PCARE: variants seen among roughly 807,000 people sequenced by gnomAD.
PCARE encodes the protein uncharacterized protein C2orf71.
Under a neutral mutation model 82.2 loss-of-function variants are expected in PCARE, and 72 were observed. The observed-to-expected ratio is 0.88, with a 90% CI of 0.72 to 1.07. The LOEUF is 1.07. Ranked by LOEUF, PCARE falls within the 50% of genes least tolerant of loss-of-function variation. The probability of loss-of-function intolerance (pLI) is 0.00; values close to 1 mark genes in which losing one functional copy is unlikely to be tolerated. For synonymous variants in PCARE, 705 were observed against 634.8 expected (o/e 1.11, Z -1.66); for missense variants, 1,768 against 1,592.4 (o/e 1.11, Z -1.88).
Position 29,064,309 on chromosome 2 carries a change from G to A in PCARE, c.*560C>T, listed in dbSNP as rs1667359395. The A allele has an allele frequency of 6.1e-6, 1 of 162,680 alleles. No homozygotes were observed. Among genetic ancestry groups the A allele is most frequent in the African/African-American group, 2.4e-5 (1 of 41,674 alleles). The allele number at this position is 162,680 out of a possible 1,614,324, so 10.1% of individuals were successfully genotyped here. On this transcript the variant is annotated 3_prime_UTR_variant, in exon 2 of 2. Transcript: ENST00000331664. ...CCCATGTCTGCTTTAGGCAGGTGGAGTGACGCAATAGTTACGGGCAATGGA... is the reference window on the plus strand; with the variant it reads ...CCCATGTCTGCTTTAGGCAGGTGGAATGACGCAATAGTTACGGGCAATGGA...
chr2:29,072,491 G>T lies in PCARE; in HGVS notation c.1771C>A (p.Gln591Lys). 6.2e-7 allele frequency: 1 copy of T among 1,614,228 alleles called. No individual in the cohort carries two copies. The highest frequency in any genetic ancestry group is 8.5e-7 in the Non-Finnish European group (1 of 1,180,048). ...VSGSRRAPER[Q>K]TRSQSESCLQ... is the part of the protein sequence containing the mutation. ...CACGACTCTGACTGGGACCTCGTCT[G>T]CCTCTCAGGGGCCCTCCTGCTGCCA... Residue 591 changes from glutamine (Q) to lysine (K), a missense_variant, in exon 1 of 2, where the codon CAG (glutamine) becomes AAG (lysine). By Grantham distance (53) the Gln-to-Lys change is moderately conservative. Transcript: ENST00000331664.
intron 1 of PCARE, among the ~76,000 whole-genome samples, chr2:29,065,488 C>T (rs1052991788): frequency 6.6e-6 from 1 of 152,266 alleles, no homozygotes; most frequent in Non-Finnish European, 1.5e-5. Flanking sequence ...TCAGCTGCCA[C>T]CCTTTTCCCG....
rs752004910 is a variant in PCARE, at chr2:29,073,560, C to T, written c.702G>A (p.Gly234=). The change falls in exon 1 of 2, where the codon GGG becomes GGA. Residue 234 remains glycine, a synonymous_variant. Coordinates refer to ENST00000331664, the MANE Select transcript of PCARE (RefSeq NM_001029883.3). The part of the protein sequence containing the change: ...LCFEEISQLL[G]EISKDGEVLL... ...GCACTTCTCCATCCTTGGAGATCTC[C>T]CCCAACAGCTGGCTGATCTCCTCAA... The T allele has an allele frequency of 6.2e-7, 1 of 1,614,142 alleles. No homozygotes were observed. Among genetic ancestry groups the T allele is most frequent in the East Asian group, 2.2e-5 (1 of 44,886 alleles).
intron 1 of PCARE, among the ~76,000 whole-genome samples, chr2:29,069,617 C>T (rs1667440185): frequency 6.6e-6 from 1 of 152,054 alleles, no homozygotes; most frequent in Admixed American, 6.6e-5. Flanking sequence ...ACTATCTGTA[C>T]AATAAACCCC....
chr2:29,073,738 T>C lies in PCARE; in HGVS notation c.524A>G (p.Asp175Gly), dbSNP rs1280650039. ...HPAHEPEGKV[D>G]FPEPLVKAHQ... ...GGCCTTTACCAGAGGCTCCGGGAAGTCCACTTTGCCTTCAGGCTCATGAGC... is the reference window on the plus strand; with the variant it reads ...GGCCTTTACCAGAGGCTCCGGGAAGCCCACTTTGCCTTCAGGCTCATGAGC... The change falls in exon 1 of 2, where the codon GAC (aspartate) becomes GGC (glycine). Residue 175 changes from aspartate to glycine, a missense_variant. Coordinates refer to ENST00000331664, the MANE Select transcript of PCARE (RefSeq NM_001029883.3). 6.2e-7 allele frequency: 1 copy of C among 1,614,178 alleles called. No homozygotes were observed. Among genetic ancestry groups the C allele is most frequent in the Admixed American group, 1.7e-5 (1 of 60,024 alleles).
At chr2:29,066,173 G>A (rs1465144449) in intron 1 of PCARE, among the ~76,000 whole-genome samples, 1 of 152,068 alleles carries the variant, frequency 6.6e-6, no homozygotes, top group African/African-American at 2.4e-5. Context: ...AATTAAAAAA[G>A]GAAGTAATAA....
chr2:29,068,615 G>C (rs1342127885), intron 1 of PCARE, among the ~76,000 whole-genome samples: 1 of 152,160 alleles, frequency 6.6e-6, no homozygotes. Flanking sequence ...GAGCATACGA[G>C]TTCTTCTTTC....
Position 29,073,765 on chromosome 2 carries a change from G to A in PCARE, c.497C>T (p.Pro166Leu). The A allele has an allele frequency of 6.2e-7, 1 of 1,614,256 alleles. No homozygotes were observed. Among genetic ancestry groups the A allele is most frequent in the Non-Finnish European group, 8.5e-7 (1 of 1,180,046 alleles). Residue 166 changes from proline (P) to leucine (L), a missense_variant, in exon 1 of 2, where the codon CCT becomes CTT. Transcript: ENST00000331664. ...TQSHCYQTIH[P>L]AHEPEGKVDF... ...CACTTTGCCTTCAGGCTCATGAGCA[G>A]GGTGGATGGTTTGGTAGCAGTGGCT...
At chr2:29,067,401 G>A (rs1028766865) in intron 1 of PCARE, among the ~76,000 whole-genome samples, 1 of 152,172 alleles carries the variant, frequency 6.6e-6, no homozygotes, top group Non-Finnish European at 1.5e-5. Flanking sequence ...TGGGGAATGA[G>A]CACTTTCCCA....
Position 29,073,166 on chromosome 2 carries a change from C to G in PCARE, c.1096G>C (p.Gly366Arg). 6.2e-7 allele frequency: 1 copy of G among 1,614,024 alleles called. No individual in the cohort carries two copies. Among genetic ancestry groups the G allele is most frequent in the Non-Finnish European group, 8.5e-7 (1 of 1,179,968 alleles). ...NESVQSVDKL[G>R]KQTSWDLAPE... The stretch of plus-strand genomic sequence containing the variant: ...GCAAGGTCCCAGCTGGTTTGCTTGC[C>G]CAGCTTGTCCACCGACTGCACGGAC... The change falls in exon 1 of 2, where the codon GGC (glycine) becomes CGC (arginine). Residue 366 changes from glycine (G) to arginine (R), a missense_variant. Physicochemically the swap from Gly to Arg is moderately radical, Grantham distance 125 (BLOSUM62 -2). Transcript: ENST00000331664.
Position 29,064,246 on chromosome 2 carries a change from TAACCTTACAACAAAG to T in PCARE, c.*608_*622del, listed in dbSNP as rs1667358279. The T allele has an allele frequency of 6.4e-6, 1 of 156,458 alleles. No homozygotes were observed. 9.7% of individuals were successfully genotyped at this position (156,458 alleles called of 1,614,324 possible). On this transcript the variant is annotated 3_prime_UTR_variant, in exon 2 of 2. Transcript: ENST00000331664. Reference sequence around the variant, plus strand: ...ACTTTGTCAATGCTGTGCCGCTACTTAACCTTACAACAAAGAAGCTTTGCGACCATTTGCGCACCC... The same window carrying T: ...ACTTTGTCAATGCTGTGCCGCTACTTAAGCTTTGCGACCATTTGCGCACCC...
chr2:29,070,560 C>T (rs749576199), intron 1 of PCARE, 34 bp downstream of exon 1: 18 of 1,613,346 alleles, frequency 1.1e-5, no homozygotes, highest in African/African-American at 6.7e-5. Flanking sequence ...TAGTCCAAGC[C>T]GCTGAAGGGC....
At position 29,074,104 on chromosome 2, in the gene PCARE, G is replaced by A. The variant is rs562051428; in HGVS notation, c.158C>T (p.Ala53Val). Reference protein sequence around the residue: ...LLVKNSTCYDAGEGLAEEQPS... With the variant: ...LLVKNSTCYDVGEGLAEEQPS... ...CTGCTCCTCTGCCAGGCCCTCCCCAGCGTCATAGCAGGTGGAGTTTTTAAC... is the reference window on the plus strand; with the variant it reads ...CTGCTCCTCTGCCAGGCCCTCCCCAACGTCATAGCAGGTGGAGTTTTTAAC... Residue 53 changes from alanine (A) to valine (V), a missense_variant, in exon 1 of 2, where the codon GCT becomes GTT. By Grantham distance (64) the Ala-to-Val change is moderately conservative. Transcript: ENST00000331664. 16 of 1,614,148 alleles carry A rather than the reference G, an allele frequency of 9.9e-6. 1 individual carries two copies. In the East Asian group the frequency reaches 2.5e-4, roughly 25 times the overall value.
At chr2:29,066,264 A>G (rs896602595) in intron 1 of PCARE, among the ~76,000 whole-genome samples, 2 of 152,220 alleles carry the variant, frequency 1.3e-5, no homozygotes, top group East Asian at 3.8e-4. Flanking sequence ...TTGTATTAAT[A>G]GCATAAGTGC....
chr2:29,066,139 A>T (rs1234252084), intron 1 of PCARE, among the ~76,000 whole-genome samples: 1 of 152,100 alleles, frequency 6.6e-6, no homozygotes, highest in Non-Finnish European at 1.5e-5. Context: ...CAAGAGTGAA[A>T]CTCTGTCTTA....
Position 29,072,952 on chromosome 2 carries a change from C to T in PCARE, c.1310G>A (p.Ser437Asn), listed in dbSNP as rs779690773. The change falls in exon 1 of 2, where the codon AGT becomes AAT. Residue 437 changes from serine to asparagine, a missense_variant. Coordinates refer to ENST00000331664, the MANE Select transcript of PCARE (RefSeq NM_001029883.3). ...QDEARSPCLS[S>N]TSPENITSPP... is the part of the protein sequence containing the mutation. Reference sequence around the variant, plus strand: ...GGAGGTGATATTTTCTGGGCTTGTACTGGAGAGGCATGGGCTCCTTGCTTC... The same window carrying T: ...GGAGGTGATATTTTCTGGGCTTGTATTGGAGAGGCATGGGCTCCTTGCTTC... 1.2e-5 allele frequency: 19 copies of T among 1,614,138 alleles called. No individual in the cohort carries two copies. Among genetic ancestry groups the T allele is most frequent in the Non-Finnish European group, 1.6e-5 (19 of 1,180,028 alleles).
intron 1 of PCARE, among the ~76,000 whole-genome samples, chr2:29,067,669 C>T (rs761408421): frequency 8.7e-4 from 132 of 152,274 alleles, no homozygotes; most frequent in Non-Finnish European, 1.1e-3. Flanking sequence ...CTCAGCCTCC[C>T]GAGTAGCTGG....
rs1452399636 is a variant in PCARE at position 29,073,178 on chromosome 2, C to A, written c.1084G>T (p.Val362Leu). ...IGADNESVQS[V>L]DKLGKQTSWD... ...CTGGTTTGCTTGCCCAGCTTGTCCACCGACTGCACGGACTCATTGTCAGCA... is the reference window on the plus strand; with the variant it reads ...CTGGTTTGCTTGCCCAGCTTGTCCAACGACTGCACGGACTCATTGTCAGCA... The change falls in exon 1 of 2, where the codon GTG (valine) becomes TTG (leucine). Residue 362 changes from valine (V) to leucine (L), a missense_variant. By Grantham distance (32) the Val-to-Leu change is conservative (BLOSUM62 1). Coordinates refer to ENST00000331664, the MANE Select transcript of PCARE (RefSeq NM_001029883.3). 1 of 1,614,190 alleles carries A rather than the reference C, an allele frequency of 6.2e-7. No individual in the cohort carries two copies. Among genetic ancestry groups the A allele is most frequent in the Non-Finnish European group, 8.5e-7 (1 of 1,180,034 alleles).
chr2:29,071,846 G>A lies in PCARE; in HGVS notation c.2416C>T (p.Pro806Ser), dbSNP rs1667493733. Residue 806 changes from proline (P) to serine (S), a missense_variant, in exon 1 of 2, where the codon CCC becomes TCC. Transcript: ENST00000331664. Reference sequence around the variant, plus strand: ...GCTGCTTCTGCTTTAGGCAGAGGGGGAAAGATAGGTGCTAAGGGCTTCCAG... The same window carrying A: ...GCTGCTTCTGCTTTAGGCAGAGGGGAAAAGATAGGTGCTAAGGGCTTCCAG... ...IGWKPLAPIF[P>S]PLPKAEAAKS... 1.2e-6 allele frequency: 2 copies of A among 1,614,136 alleles called. No individual in the cohort carries two copies. Among genetic ancestry groups the A allele is most frequent in the African/African-American group, 2.7e-5 (2 of 74,938 alleles).
Sources: allele counts gnomAD v4.1 joint callset (sites outside exome capture counted in the v4.1 genomes callset), GRCh38; gene constraint gnomAD v4.1.1; transcripts MANE v1.5; gene names NCBI Gene and HGNC (gene_info 2026-07-23, HGNC 2026-07-21).